Variants in CNTNAP2 observed in about 807,000 individuals in gnomAD.
CNTNAP2 encodes the protein contactin-associated protein-like 2.
Under a neutral mutation model 155.2 loss-of-function variants are expected in CNTNAP2, and 98 were observed. The observed-to-expected ratio is 0.63, with a 90% CI of 0.54 to 0.75. The LOEUF (loss-of-function observed/expected upper bound fraction) is 0.75, where lower values mean the gene tolerates loss of function less well. Ranked by LOEUF, CNTNAP2 falls within the 30% of genes least tolerant of loss-of-function variation. CNTNAP2 has a pLI of 0.00. For missense variants in CNTNAP2, 1,727 were observed against 1,688.1 expected (o/e 1.02, Z -0.40); for synonymous variants, 651 against 631.2 (o/e 1.03, Z -0.47).
chr7:146,677,155 G>T (rs1364565234), intron 1 of CNTNAP2, among the ~76,000 whole-genome samples: 1 of 152,188 alleles, frequency 6.6e-6, no homozygotes, highest in Non-Finnish European at 1.5e-5. Flanking sequence ...AAGGTGAAGT[G>T]AGGGACTTCC....
intron 14 of CNTNAP2, among the ~76,000 whole-genome samples, chr7:147,931,207 T>A (rs1384664968): frequency 2.1e-4 from 26 of 124,646 alleles, no homozygotes; most frequent in Middle Eastern, 4.8e-3. Flanking sequence ...ATAAACAGAG[T>A]AAAAAAAAAA....
intron 21 of CNTNAP2, among the ~76,000 whole-genome samples, chr7:148,332,643 TA>T (rs1798049112): frequency 6.6e-6 from 1 of 152,146 alleles, no homozygotes; most frequent in Non-Finnish European, 1.5e-5. Flanking sequence ...CCCTGCTAAG[TA>T]AGAAAAATTT....
chr7:148,411,457 G>T (rs954742256), intron 23 of CNTNAP2, among the ~76,000 whole-genome samples: 1 of 152,166 alleles, frequency 6.6e-6, no homozygotes, highest in African/African-American at 2.4e-5. Flanking sequence ...GTAGAGACAG[G>T]ATTGTACCAT....
chr7:147,362,253 C>G (rs565170610), intron 9 of CNTNAP2, among the ~76,000 whole-genome samples: 38 of 152,206 alleles, frequency 2.5e-4, no homozygotes, highest in Non-Finnish European at 4.6e-4. Flanking sequence ...CCACCTCAGC[C>G]TTTCAAGTAG....
chr7:147,221,852 G>C (rs918401441), intron 8 of CNTNAP2, among the ~76,000 whole-genome samples: 1 of 152,070 alleles, frequency 6.6e-6, no homozygotes, highest in Non-Finnish European at 1.5e-5. Context: ...AGTTTCACAA[G>C]GTACAGGATT....
chr7:146,327,221 C>G (rs937169194), intron 1 of CNTNAP2, among the ~76,000 whole-genome samples: 2 of 152,062 alleles, frequency 1.3e-5, no homozygotes, highest in African/African-American at 4.8e-5. Flanking sequence ...TTCAGTGGAG[C>G]TTACACAAAA....
chr7:147,746,150 A>G (rs1471722488), intron 13 of CNTNAP2, among the ~76,000 whole-genome samples: 2 of 152,212 alleles, frequency 1.3e-5, no homozygotes, highest in African/African-American at 4.8e-5. Context: ...GGAGAATAAC[A>G]AACTCCCTGC....
chr7:147,076,377 G>A (rs1800002014), intron 4 of CNTNAP2, among the ~76,000 whole-genome samples: 1 of 152,148 alleles, frequency 6.6e-6, no homozygotes, highest in Admixed American at 6.5e-5. Context: ...TTTCCCCGAT[G>A]GCCAGTGATG....
chr7:147,536,876 G>A (rs912240264), intron 11 of CNTNAP2, among the ~76,000 whole-genome samples: 1 of 152,028 alleles, frequency 6.6e-6, no homozygotes, highest in South Asian at 2.1e-4. Flanking sequence ...CCTATGCCTG[G>A]CCGTAAAGCC....
chr7:147,976,695 G>A (rs187537199), intron 14 of CNTNAP2, among the ~76,000 whole-genome samples: 46 of 152,220 alleles, frequency 3.0e-4, no homozygotes, highest in African/African-American at 1.0e-3. Context: ...AAGGTCAGAG[G>A]TACAAGTAAC....
intron 1 of CNTNAP2, among the ~76,000 whole-genome samples, chr7:146,671,054 C>A (rs770150423): frequency 1.3e-5 from 2 of 152,208 alleles, no homozygotes; most frequent in Non-Finnish European, 2.9e-5. Flanking sequence ...TCCTCAAATT[C>A]TTGACCAGGA....
intron 1 of CNTNAP2, among the ~76,000 whole-genome samples, chr7:146,352,685 C>G (rs1334498587): frequency 1.0e-5 from 1 of 97,464 alleles, no homozygotes; most frequent in Non-Finnish European, 1.9e-5. Context: ...TAAACAATGA[C>G]AACTGAGGTA....
At chr7:146,695,174 A>G (rs1800761446) in intron 1 of CNTNAP2, among the ~76,000 whole-genome samples, 3 of 152,104 alleles carry the variant, frequency 2.0e-5, no homozygotes, top group Admixed American at 2.0e-4. Context: ...CTTAGGGGGA[A>G]AGCATCCAGT....
chr7:148,334,641 C>A (rs55797956), intron 21 of CNTNAP2, among the ~76,000 whole-genome samples: 28,716 of 152,120 alleles, frequency 0.19, 2,800 homozygotes, highest in South Asian at 0.33. Flanking sequence ...TTAGTTGTGA[C>A]CGCAGAAAGC....
intron 15 of CNTNAP2, among the ~76,000 whole-genome samples, chr7:148,062,028 AGTGTGTGTGTGTGTGTGT>A (rs199528714): frequency 6.6e-5 from 7 of 105,980 alleles, no homozygotes; most frequent in Admixed American, 4.2e-4. Flanking sequence ...AGAGAGAGAG[AGTGTGTGTGTGTGTGTGT>A]GTGTGTGTGT....
chr7:148,274,925 G>T (rs1264215023), intron 21 of CNTNAP2, among the ~76,000 whole-genome samples: 3 of 152,162 alleles, frequency 2.0e-5, no homozygotes, highest in African/African-American at 7.2e-5. Flanking sequence ...ACGGGATTCA[G>T]CAAAATAATA....
chr7:147,954,956 G>A (rs755544672), intron 14 of CNTNAP2, among the ~76,000 whole-genome samples: 4 of 152,114 alleles, frequency 2.6e-5, no homozygotes, highest in South Asian at 2.1e-4. Context: ...AGTCTCCAAC[G>A]TTTCTGTAAA....
intron 11 of CNTNAP2, among the ~76,000 whole-genome samples, chr7:147,543,330 T>C (rs1184841262): frequency 6.6e-6 from 1 of 152,204 alleles, no homozygotes; most frequent in Non-Finnish European, 1.5e-5. Context: ...GCGGGCTAAG[T>C]GTTCCTTGCC....
intron 1 of CNTNAP2, among the ~76,000 whole-genome samples, chr7:146,651,877 A>G (rs1007335919): frequency 1.6e-4 from 25 of 152,146 alleles, no homozygotes; most frequent in Non-Finnish European, 2.9e-4. Context: ...TGTCATCACT[A>G]AGTAAAAACC....
Sources: allele counts gnomAD v4.1 joint callset (sites outside exome capture counted in the v4.1 genomes callset), GRCh38; gene constraint gnomAD v4.1.1; transcripts MANE v1.5; gene names NCBI Gene and HGNC (gene_info 2026-07-23, HGNC 2026-07-21).